LAMP1: variants seen among roughly 807,000 people sequenced by gnomAD.
LAMP1 encodes lysosome-associated membrane glycoprotein 1.
Under a neutral mutation model 37.5 loss-of-function variants are expected in LAMP1, and 7 were observed. The observed-to-expected ratio is 0.19, with a 90% CI of 0.11 to 0.35. LAMP1 has a LOEUF of 0.35. Ranked by LOEUF, LAMP1 falls within the 10% of genes least tolerant of loss-of-function variation. The probability of loss-of-function intolerance (pLI) is 1.00; values close to 1 mark genes in which losing one functional copy is unlikely to be tolerated. For missense variants in LAMP1, 537 were observed against 552.8 expected, an observed-to-expected ratio of 0.97 and a Z score of 0.29; for synonymous variants, 236 against 229.1, an observed-to-expected ratio of 1.03 and a Z score of -0.27.
chr13:113,304,947 T>A (rs779047810), intron 1 of LAMP1: 1 of 152,210 alleles, frequency 6.6e-6, no homozygotes, highest in Non-Finnish European at 1.5e-5. Flanking sequence ...CGTGAGCCAC[T>A]GTGCCCGGCA....
intron 1 of LAMP1, among the ~76,000 whole-genome samples, chr13:113,301,685 A>G (rs1413371832): frequency 7.3e-6 from 1 of 136,214 alleles, no homozygotes; most frequent in Non-Finnish European, 1.5e-5. Flanking sequence ...ATATATATAT[A>G]TATATATTTA....
intron 4 of LAMP1, among the ~76,000 whole-genome samples, chr13:113,315,658 T>G (rs1483918624): frequency 6.6e-6 from 1 of 151,668 alleles, no homozygotes; most frequent in African/African-American, 2.4e-5. Flanking sequence ...TGAGCCACCG[T>G]GCCCGGCCCA....
intron 4 of LAMP1, among the ~76,000 whole-genome samples, chr13:113,318,039 C>A (rs1196810924): frequency 2.0e-5 from 3 of 152,242 alleles, no homozygotes; most frequent in Non-Finnish European, 4.4e-5. Flanking sequence ...TCGCCAAGGG[C>A]AGTGAGCAAG....
At chr13:113,319,436 C>T in intron 4 of LAMP1, 33 bp from the exon 5 acceptor site, 6 of 1,562,578 alleles carry the variant, frequency 3.8e-6, no homozygotes, top group Non-Finnish European at 5.2e-6. Flanking sequence ...TATGAGAAAC[C>T]CAGACCTGAA....
chr13:113,321,223 T>TA lies in LAMP1; in HGVS notation c.877-180dup, dbSNP rs2042697193. The TA allele has an allele frequency of 3.2e-6, 2 of 624,890 alleles. No homozygotes were observed. Among genetic ancestry groups the TA allele is most frequent in the South Asian group, 3.8e-5 (2 of 52,584 alleles). 38.7% of individuals were successfully genotyped at this position (624,890 alleles called of 1,614,324 possible). A position where few individuals can be genotyped will look rare whatever the true frequency, so the allele number is the denominator to read the frequency against. ...AACCAAAATTTTCATTCCCCAGAGATACACAACGCCTTTTATAGACAAGAT... is the reference window on the plus strand; with the variant it reads ...AACCAAAATTTTCATTCCCCAGAGATAACACAACGCCTTTTATAGACAAGAT... On this transcript the variant is annotated intron_variant, in intron 6 of 8. Transcript: ENST00000332556. This position sits in a 1 kb window ranked among gnomAD's most constrained non-coding sequence, Gnocchi z 5.6.
At chr13:113,315,321 G>T (rs542768634) in intron 4 of LAMP1, among the ~76,000 whole-genome samples, 3 of 151,048 alleles carry the variant, frequency 2.0e-5, no homozygotes, top group Non-Finnish European at 4.4e-5. Context: ...GGGGCGCGGC[G>T]TCCTGGAGGC....
rs369180138 is a variant in LAMP1, at chr13:113,310,812, G to C, written c.507G>C (p.Thr169=). The change falls in exon 4 of 9, where the codon ACG becomes ACC. Residue 169 remains threonine (T), a synonymous_variant. Coordinates refer to ENST00000332556, the MANE Select transcript of LAMP1 (RefSeq NM_005561.4). ...TQVHMNNVTV[T]LHDATIQAYL... The stretch of plus-strand genomic sequence containing the variant: ...TCCACATGAACAACGTGACCGTAAC[G>C]CTCCATGATGCCACCATCCAGGCGT... 140 of 1,613,702 alleles carry C rather than the reference G, an allele frequency of 8.7e-5. No individual in the cohort carries two copies. The highest frequency in any genetic ancestry group is 1.1e-4 in the Non-Finnish European group (132 of 1,179,958).
intron 4 of LAMP1, among the ~76,000 whole-genome samples, chr13:113,312,170 T>TG (rs901049891): frequency 1.1e-4 from 17 of 152,182 alleles, no homozygotes; most frequent in African/African-American, 3.9e-4. Flanking sequence ...CAGGTACTCT[T>TG]GCAGGTCGGC....
chr13:113,304,327 G>A (rs776345279), intron 1 of LAMP1, among the ~76,000 whole-genome samples: 2 of 152,218 alleles, frequency 1.3e-5, no homozygotes, highest in Non-Finnish European at 2.9e-5. Flanking sequence ...CCCTGTCCAC[G>A]CTGAGCTCCA....
rs1566396946 is a variant in LAMP1, at chr13:113,301,664, TATATATATATATATATATATATATATA to T, written c.61+4170_61+4196del. Among the ~76,000 whole-genome samples, 4 of 4,724 alleles carry T rather than the reference TATATATATATATATATATATATATATA, an allele frequency of 8.5e-4. No homozygotes were observed. In the East Asian group the frequency reaches 0.17, roughly 197 times the overall value. The allele number at this position is 4,724 out of a possible 152,430, so 3.1% of individuals were successfully genotyped here. A position where few individuals can be genotyped will look rare whatever the true frequency, so the allele number is the denominator to read the frequency against. ...AAAAAAATATATATATATATATATA[TATATATATATATATATATATATATATA>T]TTTACACACACACACACTTATACCT... is the stretch of plus-strand genomic sequence containing the variant. On this transcript the variant is annotated intron_variant, in intron 1 of 8. Coordinates refer to ENST00000332556, the MANE Select transcript of LAMP1 (RefSeq NM_005561.4).
At chr13:113,309,610 C>A in intron 2 of LAMP1, 33 bp from the exon 3 acceptor site, 1 of 1,517,354 alleles carries the variant, frequency 6.6e-7, no homozygotes, top group Non-Finnish European at 9.1e-7. Flanking sequence ...ACCTGCATCC[C>A]AATTGGGTTA....
intron 4 of LAMP1, among the ~76,000 whole-genome samples, chr13:113,313,672 G>C (rs962481953): frequency 1.4e-5 from 2 of 142,814 alleles, no homozygotes; most frequent in Non-Finnish European, 3.0e-5. Context: ...GGAGATGCCC[G>C]TGTGCCTGGG....
At position 113,321,481 on chromosome 13, in the gene LAMP1, A is replaced by G. The variant is rs748533881; in HGVS notation, c.943+11A>G. 6.2e-7 allele frequency: 1 copy of G among 1,614,028 alleles called. No homozygotes were observed. The highest frequency in any genetic ancestry group is 2.2e-5 in the East Asian group (1 of 44,850). ...TTCCTGACGCCAGAGGTGAGAACCCACAATCTCTGCGAGCCCCGCCCCCGC... is the reference window on the plus strand; with the variant it reads ...TTCCTGACGCCAGAGGTGAGAACCCGCAATCTCTGCGAGCCCCGCCCCCGC... On this transcript the variant is annotated intron_variant, in intron 7 of 8. Coordinates refer to ENST00000332556, the MANE Select transcript of LAMP1 (RefSeq NM_005561.4). The surrounding 1 kb of genome is among the most constrained non-coding windows in gnomAD (Gnocchi z 5.6).
At chr13:113,313,183 T>C (rs1339447085) in intron 4 of LAMP1, among the ~76,000 whole-genome samples, 7 of 152,278 alleles carry the variant, frequency 4.6e-5, no homozygotes, top group African/African-American at 1.7e-4. Flanking sequence ...AGTGAAGGGC[T>C]GCTAGGTGGA....
At position 113,322,690 on chromosome 13, in the gene LAMP1, G is replaced by C. The variant is rs1444643884; in HGVS notation, c.*269G>C. 2.9e-5 allele frequency: 4 copies of C among 139,686 alleles called. No homozygotes were observed. The highest frequency in any genetic ancestry group is 1.9e-4 in the South Asian group (1 of 5,290). 8.7% of individuals were successfully genotyped at this position (139,686 alleles called of 1,614,324 possible). On this transcript the variant is annotated 3_prime_UTR_variant, in exon 9 of 9. Coordinates refer to ENST00000332556, the MANE Select transcript of LAMP1 (RefSeq NM_005561.4). The stretch of plus-strand genomic sequence containing the variant: ...TTTTGAGGGTGGGGGTGCTCTCTCT[G>C]AGGGGGTGGGGGTGCCGCTGTCTCT...
Position 113,322,372 on chromosome 13 carries a change from C to CGA in LAMP1, c.1205_1206insGA (p.Tyr403ThrfsTer70). The CGA allele has an allele frequency of 6.2e-7, 1 of 1,605,274 alleles. No homozygotes were observed. The highest frequency in any genetic ancestry group is 1.7e-5 in the Admixed American group (1 of 58,914). On this transcript the variant is annotated frameshift_variant, in exon 9 of 9. Transcript: ENST00000332556. LOFTEE classifies it high-confidence loss of function. ...GGGCTGGTCCTCATCGTCCTCATCG[C>CGA]CTACCTCGTCGGCAGGAAGAGGAGT... is the stretch of plus-strand genomic sequence containing the variant.
chr13:113,310,252 G>A (rs2042622922), intron 3 of LAMP1, among the ~76,000 whole-genome samples: 1 of 151,774 alleles, frequency 6.6e-6, no homozygotes, highest in South Asian at 2.1e-4. Flanking sequence ...ACACAGCCAG[G>A]CGCGGTGGCT....
At chr13:113,310,902 G>C (rs759587208) in intron 4 of LAMP1, 35 bp downstream of exon 4, 2 of 1,593,468 alleles carry the variant, frequency 1.3e-6, no homozygotes, top group Non-Finnish European at 8.6e-7. Context: ...TGGTGCTAGT[G>C]GTTGGGTAGC....
Position 113,309,720 on chromosome 13 carries a change from C to G in LAMP1, c.261C>G (p.Asp87Glu). Residue 87 changes from aspartate to glutamate, a missense_variant, in exon 3 of 9, where the codon GAC (aspartate) becomes GAG (glutamate). Asp to Glu is a conservative substitution (Grantham distance 45, BLOSUM62 2). Coordinates refer to ENST00000332556, the MANE Select transcript of LAMP1 (RefSeq NM_005561.4). Reference sequence around the variant, plus strand: ...CCTGTGGAAAAGAGAACACTTCTGACCCCAGTCTCGTGATTGCTTTTGGAA... The same window carrying G: ...CCTGTGGAAAAGAGAACACTTCTGAGCCCAGTCTCGTGATTGCTTTTGGAA... ...RSSCGKENTS[D>E]PSLVIAFGRG... The G allele has an allele frequency of 1.2e-6, 2 of 1,614,166 alleles. No homozygotes were observed. Among genetic ancestry groups the G allele is most frequent in the Non-Finnish European group, 1.7e-6 (2 of 1,180,010 alleles).
Sources: gnomAD v4.1 joint callset for allele counts (sites outside exome capture counted in the v4.1 genomes callset) on GRCh38, gnomAD v4.1.1 for gene constraint, Gnocchi (gnomAD v3.1) non-coding constraint, MANE v1.5 for transcripts, NCBI Gene and HGNC (gene_info 2026-07-23, HGNC 2026-07-21) for gene names.